Variants in FOXP2 observed in about 807,000 individuals in gnomAD.
The protein encoded by FOXP2 is forkhead box protein P2.
A neutral mutation model predicts 115.8 loss-of-function variants in FOXP2; 12 were observed. That is an observed-to-expected ratio of 0.10 (90% CI 0.07 to 0.17). The LOEUF (loss-of-function observed/expected upper bound fraction) is 0.17. FOXP2 is among the 10% of genes least tolerant of loss of function. FOXP2 has a pLI of 1.00. For missense variants in FOXP2, 629 were observed against 843.5 expected (o/e 0.75, Z 3.15); for synonymous variants, 328 against 297.7 (o/e 1.10, Z -1.05).
chr7:114,097,672 C>T (rs1462136272), intron 1 of FOXP2, among the ~76,000 whole-genome samples: 3 of 152,154 alleles, frequency 2.0e-5, no homozygotes, highest in African/African-American at 7.2e-5. Flanking sequence ...CTTCCATTCC[C>T]ACTTCCACCC....
At chr7:114,612,935 A>T (rs1341152441) in intron 3 of FOXP2, among the ~76,000 whole-genome samples, 3 of 152,168 alleles carry the variant, frequency 2.0e-5, no homozygotes, top group Admixed American at 6.5e-5. Flanking sequence ...CACCAACCTG[A>T]CAGTGTCTGT....
chr7:114,631,472 CT>C, intron 5 of FOXP2, 55 bp from the exon 6 acceptor site: 1 of 1,550,034 alleles, frequency 6.5e-7, no homozygotes, highest in Non-Finnish European at 8.7e-7. Flanking sequence ...TGTAAGAGAG[CT>C]GTTTGTACAG....
intron 1 of FOXP2, among the ~76,000 whole-genome samples, chr7:114,201,822 G>A (rs1794074357): frequency 6.6e-6 from 1 of 152,172 alleles, no homozygotes. Context: ...GGAAGCAGGA[G>A]TATGAAATGG....
At chr7:114,538,292 AT>A in intron 3 of FOXP2, 1 of 1,277,436 alleles carries the variant, frequency 7.8e-7, no homozygotes, top group Non-Finnish European at 1.0e-6. Context: ...AGATATGAAA[AT>A]TGGTCGCATT....
intron 1 of FOXP2, among the ~76,000 whole-genome samples, chr7:114,225,127 G>T (rs951189025): frequency 1.3e-5 from 2 of 151,838 alleles, no homozygotes; most frequent in Non-Finnish European, 2.9e-5. Flanking sequence ...TAGGATTTTG[G>T]TCTATAATTT....
upstream of FOXP2, among the ~76,000 whole-genome samples, chr7:114,412,654 C>T (rs561011916): frequency 4.6e-5 from 7 of 152,254 alleles, no homozygotes; most frequent in South Asian, 8.3e-4. Flanking sequence ...TGACGTACCC[C>T]GATGCAGCTT....
At chr7:114,218,577 A>G (rs1192909647) in intron 1 of FOXP2, among the ~76,000 whole-genome samples, 2 of 152,236 alleles carry the variant, frequency 1.3e-5, no homozygotes, top group African/African-American at 4.8e-5. Flanking sequence ...CAAGAAAGCC[A>G]CATTCTTTAT....
chr7:114,562,311 A>G (rs1190857327), intron 3 of FOXP2, among the ~76,000 whole-genome samples: 1 of 152,144 alleles, frequency 6.6e-6, no homozygotes, highest in Non-Finnish European at 1.5e-5. Context: ...GATGTTTAGC[A>G]ATTGTTTCAC....
intron 3 of FOXP2, among the ~76,000 whole-genome samples, chr7:114,535,676 A>G (rs1799354131): frequency 6.6e-6 from 1 of 151,546 alleles, no homozygotes; most frequent in South Asian, 2.1e-4. Context: ...TGATCTGTAC[A>G]ATCCAAAAAT....
At chr7:114,563,026 A>G (rs1485908502) in intron 3 of FOXP2, among the ~76,000 whole-genome samples, 8 of 152,164 alleles carry the variant, frequency 5.3e-5, no homozygotes. Context: ...GGCACATCTT[A>G]CATAGCAGCA....
intron 2 of FOXP2, among the ~76,000 whole-genome samples, chr7:114,400,263 A>C (rs948498996): frequency 6.6e-6 from 1 of 152,012 alleles, no homozygotes; most frequent in Non-Finnish European, 1.5e-5. Context: ...TAGATTTGTA[A>C]AACTCCATTT....
chr7:114,105,067 T>C (rs117981100), intron 1 of FOXP2, among the ~76,000 whole-genome samples: 1 of 151,960 alleles, frequency 6.6e-6, no homozygotes, highest in East Asian at 1.9e-4. Context: ...AAACAAATTA[T>C]ATAAAGGAGG....
At chr7:114,198,182 A>G (rs1054624081) in intron 1 of FOXP2, among the ~76,000 whole-genome samples, 1 of 152,060 alleles carries the variant, frequency 6.6e-6, no homozygotes. Flanking sequence ...GTTGTTATTC[A>G]TGTCAGCTGC....
intron 1 of FOXP2, among the ~76,000 whole-genome samples, chr7:114,154,617 A>G (rs1449275994): frequency 6.6e-6 from 1 of 152,130 alleles, no homozygotes; most frequent in Admixed American, 6.6e-5. Context: ...TATAAAAAGC[A>G]TTGTCTGTGG....
intron 1 of FOXP2, among the ~76,000 whole-genome samples, chr7:114,167,736 A>G (rs1403557487): frequency 1.3e-5 from 2 of 152,054 alleles, no homozygotes; most frequent in Non-Finnish European, 2.9e-5. Flanking sequence ...GGAGATCGAG[A>G]CCATCCTTGC....
intron 1 of FOXP2, among the ~76,000 whole-genome samples, chr7:114,090,307 A>G (rs1389013163): frequency 1.3e-5 from 2 of 152,006 alleles, no homozygotes; most frequent in South Asian, 4.1e-4. Context: ...CAATTGCTGA[A>G]TATTAATTTT....
chr7:114,166,137 C>G lies in FOXP2; in HGVS notation c.-102+3049C>G, dbSNP rs1404605802. Among the ~76,000 whole-genome samples, 3 of 151,794 alleles carry G rather than the reference C, an allele frequency of 2.0e-5. No individual in the cohort carries two copies. In the East Asian group the frequency reaches 5.8e-4, roughly 29 times the overall value. ...ATGGATCACAAAGCTAAATATAAAA[C>G]AAAAAACTATAAAACTTCTAGAAGA... is the stretch of plus-strand genomic sequence containing the variant. On this transcript the variant is annotated intron_variant, in intron 1 of 17. Transcript: ENST00000634411.
intron 15 of FOXP2, 66 bp downstream of exon 15, chr7:114,663,585 C>A: frequency 1.8e-6 from 2 of 1,138,020 alleles, no homozygotes; most frequent in African/African-American, 1.9e-5. Context: ...TTTGGCATGT[C>A]TTTGTATTTA....
Position 114,300,203 on chromosome 7 carries a change from A to G in FOXP2, c.-11+12094A>G, listed in dbSNP as rs538039272. Among the ~76,000 whole-genome samples the G allele has an allele frequency of 2.0e-4, 30 of 152,256 alleles. 1 individual carries two copies. The South Asian group carries it at 6.2e-3, about 32-fold the overall frequency. On this transcript the variant is annotated intron_variant, in intron 2 of 17. Coordinates refer to the FOXP2 transcript ENST00000634411. Reference sequence around the variant, plus strand: ...TTAGGCAATTAGATATATAGATTCCATATTTCCTTACATCACAGATGACGA... The same window carrying G: ...TTAGGCAATTAGATATATAGATTCCGTATTTCCTTACATCACAGATGACGA...
Sources: gnomAD v4.1 joint callset for allele counts (sites outside exome capture counted in the v4.1 genomes callset) on GRCh38, gnomAD v4.1.1 for gene constraint, MANE v1.5 for transcripts, NCBI Gene and HGNC (gene_info 2026-07-23, HGNC 2026-07-21) for gene names.